CPLX2: variants seen among roughly 807,000 people sequenced by gnomAD.
CPLX2 encodes complexin-2.
Under a neutral mutation model 16.3 loss-of-function variants are expected in CPLX2, and 5 were observed. That is an observed-to-expected ratio of 0.31 (90% CI 0.16 to 0.64). The LOEUF is 0.64. Among genes scored for constraint, CPLX2 ranks in the 30% least tolerant of loss-of-function variants. The pLI is 0.79. For missense variants in CPLX2, 144 were observed against 181.4 expected (o/e 0.79, Z 1.18); for synonymous variants, 89 against 73.2 (o/e 1.22, Z -1.10).
chr5:175,813,138 A>G (rs1186670102), intron 2 of CPLX2, among the ~76,000 whole-genome samples: 1 of 152,244 alleles, frequency 6.6e-6, no homozygotes, highest in Non-Finnish European at 1.5e-5. Context: ...AGATGACTTT[A>G]GCTGGTATAC....
upstream of CPLX2, chr5:175,871,413 GA>G (rs1759593942): frequency 3.9e-5 from 1 of 25,932 alleles, no homozygotes; most frequent in Non-Finnish European, 1.1e-4. Flanking sequence ...AGAGAGAGGA[GA>G]GAGAGAGAGA....
intron 2 of CPLX2, among the ~76,000 whole-genome samples, chr5:175,864,813 C>A (rs1759435649): frequency 6.6e-6 from 1 of 152,148 alleles, no homozygotes; most frequent in Non-Finnish European, 1.5e-5. Flanking sequence ...ATGCTTGGCA[C>A]ACTGGAGGTG....
At position 175,849,468 on chromosome 5, in the gene CPLX2, C is replaced by T. The variant is rs1383407439; in HGVS notation, c.-88-29184C>T. On this transcript the variant is annotated intron_variant, in intron 2 of 4. Transcript: ENST00000359546. The surrounding 1 kb of genome is among the most constrained non-coding windows in gnomAD (Gnocchi z 4.4). ...ACCTCATGCATGCAGCCGAACCCCA[C>T]ACTGGATGTTAGAGGCACAAAGACT... 6.6e-6 allele frequency among the ~76,000 whole-genome samples: 1 copy of T among 152,234 alleles called. No homozygotes were observed. The highest frequency in any genetic ancestry group is 2.4e-5 in the African/African-American group (1 of 41,464).
chr5:175,847,707 T>G (rs1035462309), intron 2 of CPLX2, among the ~76,000 whole-genome samples: 3 of 152,160 alleles, frequency 2.0e-5, no homozygotes, highest in African/African-American at 7.2e-5. Context: ...CTGCAGAACC[T>G]GCCCAGACCA....
At chr5:175,865,370 TCTGCCGAC>T (rs1170419583) in intron 2 of CPLX2, among the ~76,000 whole-genome samples, 13 of 152,322 alleles carry the variant, frequency 8.5e-5, no homozygotes, top group Admixed American at 5.9e-4. Flanking sequence ...ATGCAGGGGT[TCTGCCGAC>T]TGCCTCTGCA....
intron 1 of CPLX2, among the ~76,000 whole-genome samples, chr5:175,873,569 A>C (rs765087128): frequency 3.9e-5 from 6 of 152,164 alleles, no homozygotes; most frequent in African/African-American, 7.2e-5. Flanking sequence ...CTGCCCCCAG[A>C]AAGTGCCACA....
rs115404429 is a variant in CPLX2 at position 175,850,083 on chromosome 5, G to A, written c.-88-28569G>A. Among the ~76,000 whole-genome samples the A allele has an allele frequency of 6.3e-3, 959 of 152,330 alleles. 8 individuals are homozygous for A. Among genetic ancestry groups the A allele is most frequent in the African/African-American group, 0.022 (911 of 41,586 alleles). On this transcript the variant is annotated intron_variant, in intron 2 of 4. Coordinates refer to the CPLX2 transcript ENST00000359546. Reference sequence around the variant, plus strand: ...CATCAAGGCACATGAGGGCAATGGCGCAGGCCGAGTGAGGAACCTGCTGTT... The same window carrying A: ...CATCAAGGCACATGAGGGCAATGGCACAGGCCGAGTGAGGAACCTGCTGTT...
At chr5:175,848,181 G>A (rs1395179549) in intron 2 of CPLX2, among the ~76,000 whole-genome samples, 1 of 152,198 alleles carries the variant, frequency 6.6e-6, no homozygotes, top group African/African-American at 2.4e-5. Flanking sequence ...GATCTGAGGG[G>A]GGCGGGGGGC....
chr5:175,873,151 C>G (rs1278583572), intron 1 of CPLX2: 1 of 143,614 alleles, frequency 7.0e-6, no homozygotes, highest in Non-Finnish European at 1.5e-5. Flanking sequence ...AGGGATAGAC[C>G]AAGGCTTCCC....
At chr5:175,841,129 T>C (rs1758936605) in intron 2 of CPLX2, among the ~76,000 whole-genome samples, 1 of 152,228 alleles carries the variant, frequency 6.6e-6, no homozygotes, top group Admixed American at 6.5e-5. Flanking sequence ...CACAGAGACC[T>C]TGAGGTGAGT....
intron 2 of CPLX2, among the ~76,000 whole-genome samples, chr5:175,810,205 C>T (rs373799381): frequency 1.3e-5 from 2 of 152,212 alleles, no homozygotes; most frequent in East Asian, 1.9e-4. Flanking sequence ...CCATCCAGAG[C>T]CTTGCACCCT....
intron 2 of CPLX2, among the ~76,000 whole-genome samples, chr5:175,825,667 G>A (rs1758598757): frequency 6.6e-6 from 1 of 152,110 alleles, no homozygotes; most frequent in South Asian, 2.1e-4. Context: ...GTCTCTGCCT[G>A]TAGCTTGAAT....
At chr5:175,816,340 G>T (rs557408777) in intron 2 of CPLX2, among the ~76,000 whole-genome samples, 1 of 152,222 alleles carries the variant, frequency 6.6e-6, no homozygotes, top group Admixed American at 6.5e-5. Context: ...GCTAATTTTT[G>T]TATTTTTAGT....
chr5:175,859,520 CA>C (rs1447915289), intron 2 of CPLX2, among the ~76,000 whole-genome samples: 1 of 152,208 alleles, frequency 6.6e-6, no homozygotes, highest in East Asian at 1.9e-4. Context: ...CTCTTGCAGG[CA>C]AATGTTCCAA....
intron 2 of CPLX2, among the ~76,000 whole-genome samples, chr5:175,816,679 G>C (rs1319059323): frequency 6.6e-6 from 1 of 152,200 alleles, no homozygotes; most frequent in Non-Finnish European, 1.5e-5. Context: ...GTGGGGCAGA[G>C]GCAGCCAGGA....
intron 1 of CPLX2, among the ~76,000 whole-genome samples, chr5:175,797,588 C>G (rs1177971523): frequency 6.6e-6 from 1 of 152,164 alleles, no homozygotes; most frequent in Non-Finnish European, 1.5e-5. Flanking sequence ...TCACTGACTC[C>G]GGCTGTCCCC....
At chr5:175,860,786 C>T (rs774881210) in intron 2 of CPLX2, among the ~76,000 whole-genome samples, 4 of 152,034 alleles carry the variant, frequency 2.6e-5, no homozygotes, top group African/African-American at 9.7e-5. Context: ...CTAATGCCCA[C>T]CCATGGCAGT....
Position 175,820,974 on chromosome 5 carries a change from G to A in CPLX2, c.-89+11906G>A, listed in dbSNP as rs1451887476. ...AACTCCCAGGCCTGCTGCTGGGGAT[G>A]GTGCGTCCTTCTCTGGTTTGGGCTC... On this transcript the variant is annotated intron_variant, in intron 2 of 4. Coordinates refer to the CPLX2 transcript ENST00000359546. 3.3e-5 allele frequency among the ~76,000 whole-genome samples: 5 copies of A among 152,178 alleles called. No homozygotes were observed. The East Asian group carries it at 9.6e-4, about 29-fold the overall frequency.
rs1479615593 is a variant in CPLX2, at chr5:175,845,223, G to C, written c.-88-33429G>C. On this transcript the variant is annotated intron_variant, in intron 2 of 4. Transcript: ENST00000359546. The surrounding 1 kb of genome is among the most constrained non-coding windows in gnomAD (Gnocchi z 4.0). ...TTCCAAACCAGAAAGCTCCTTAAAA[G>C]GGAATCACACATGTCCCTCCTGTAC... 1.3e-5 allele frequency among the ~76,000 whole-genome samples: 2 copies of C among 152,208 alleles called. No individual in the cohort carries two copies. The highest frequency in any genetic ancestry group is 3.8e-4 in the East Asian group (2 of 5,202).
Sources: allele counts gnomAD v4.1 joint callset (sites outside exome capture counted in the v4.1 genomes callset), GRCh38; gene constraint gnomAD v4.1.1; non-coding constraint Gnocchi (gnomAD v3.1); transcripts MANE v1.5; gene names NCBI Gene and HGNC (gene_info 2026-07-23, HGNC 2026-07-21).